The following FCHSD2 variants were observed in gnomAD, a reference collection of about 807,000 sequenced individuals.
FCHSD2 encodes F-BAR and double SH3 domains protein 2.
In FCHSD2, 38 loss-of-function variants were observed where a neutral mutation model predicts 108.1. That is an observed-to-expected ratio of 0.35 (90% confidence interval 0.27 to 0.46). The LOEUF is 0.46. Among genes scored for constraint, FCHSD2 ranks in the 20% least tolerant of loss-of-function variants. The probability of loss-of-function intolerance (pLI) is 1.00; values close to 1 mark genes in which losing one functional copy is unlikely to be tolerated. For synonymous variants in FCHSD2, 279 were observed against 314.7 expected, an observed-to-expected ratio of 0.89 and a Z score of 1.20; for missense variants, 751 against 897.8, an observed-to-expected ratio of 0.84 and a Z score of 2.09.
At position 72,922,003 on chromosome 11, in the gene FCHSD2, A is replaced by G. The variant is rs1855984288; in HGVS notation, c.706-53T>C. 3 of 1,344,572 alleles carry G rather than the reference A, an allele frequency of 2.2e-6. No homozygotes were observed. The South Asian group carries it at 3.9e-5, about 17-fold the overall frequency. The allele number at this position is 1,344,572 out of a possible 1,614,324, so 83.3% of individuals were successfully genotyped here. A position where few individuals can be genotyped will look rare whatever the true frequency, so the allele number is the denominator to read the frequency against. The stretch of plus-strand genomic sequence containing the variant: ...AAAAATTACAGTAAAGCCTTGACAT[A>G]TGATATCTTCTGCCTATGAGAAAAG... On this transcript the variant is annotated intron_variant, in intron 8 of 19. Transcript: ENST00000409418.
intron 8 of FCHSD2, among the ~76,000 whole-genome samples, chr11:72,979,995 G>A (rs1857182186): frequency 6.6e-6 from 1 of 152,184 alleles, no homozygotes; most frequent in African/African-American, 2.4e-5. Context: ...TGTTCCCTAA[G>A]AAGGCAGGAG....
intron 3 of FCHSD2, among the ~76,000 whole-genome samples, chr11:73,079,497 C>T (rs1179458394): frequency 1.3e-5 from 2 of 152,074 alleles, no homozygotes; most frequent in Non-Finnish European, 2.9e-5. Flanking sequence ...TTTGCCTGGC[C>T]TAGAAGTAAA....
Position 73,051,918 on chromosome 11 carries a change from C to CA in FCHSD2, c.165+31776_165+31777insT, listed in dbSNP as rs1565386314. On this transcript the variant is annotated intron_variant, in intron 3 of 19. Transcript: ENST00000409418. ...ACACACACACACACACACACACACC[C>CA]CACACACACTGACATCAGGGAAAAA... Among the ~76,000 whole-genome samples, 43 of 137,886 alleles carry CA rather than the reference C, an allele frequency of 3.1e-4. 1 individual carries two copies. Among genetic ancestry groups the CA allele is most frequent in the South Asian group, 1.9e-3 (8 of 4,272 alleles). 90.5% of individuals were successfully genotyped at this position (137,886 alleles called of 152,430 possible). A position where few individuals can be genotyped will look rare whatever the true frequency, so the allele number is the denominator to read the frequency against.
intron 8 of FCHSD2, among the ~76,000 whole-genome samples, chr11:72,931,096 ATTTT>A (rs36117770): frequency 3.5e-5 from 4 of 115,904 alleles, no homozygotes; most frequent in Non-Finnish European, 5.6e-5. Flanking sequence ...CAATAATTAA[ATTTT>A]TTTTTTTTTT....
At chr11:72,956,533 T>C (rs111377330) in intron 8 of FCHSD2, among the ~76,000 whole-genome samples, 2,061 of 152,302 alleles carry the variant, frequency 0.014, 51 homozygotes, top group African/African-American at 0.045. Flanking sequence ...ACAGCATTAA[T>C]TTCTCTTACT....
At chr11:72,880,399 A>G (rs977804246) in intron 12 of FCHSD2, among the ~76,000 whole-genome samples, 1 of 152,202 alleles carries the variant, frequency 6.6e-6, no homozygotes, top group Non-Finnish European at 1.5e-5. Flanking sequence ...TGTCACAAAT[A>G]CAGACACACA....
intron 8 of FCHSD2, among the ~76,000 whole-genome samples, chr11:72,957,137 C>G (rs1856728614): frequency 6.7e-6 from 1 of 150,286 alleles, no homozygotes; most frequent in African/African-American, 2.5e-5. Context: ...CACCCACTAA[C>G]TCGTCAGCTA....
Position 72,854,847 on chromosome 11 carries a change from C to T in FCHSD2, c.1309-4958G>A, listed in dbSNP as rs72969835. On this transcript the variant is annotated intron_variant, in intron 13 of 19. Transcript: ENST00000409418. The stretch of plus-strand genomic sequence containing the variant: ...TTACTTTTGCTAGATGAAAAGAATA[C>T]TAGAAATGGGCCAGGCACGGTGGCT... Among the ~76,000 whole-genome samples, 1,070 of 152,246 alleles carry T rather than the reference C, an allele frequency of 7.0e-3. 10 individuals are homozygous for T. Among genetic ancestry groups the T allele is most frequent in the African/African-American group, 0.024 (1,014 of 41,568 alleles).
chr11:73,001,053 A>G lies in FCHSD2; in HGVS notation c.324T>C (p.Tyr108=), dbSNP rs369934177. The stretch of plus-strand genomic sequence containing the variant: ...TTGCAGGCTCAGAAATGAAGTTTTT[A>G]TAGTTTTCACATATATTCATCCGAG... ...AQSRMNICEN[Y]KNFISEPART... The change falls in exon 5 of 20, where the codon TAT becomes TAC. Residue 108 remains tyrosine (Y), a synonymous_variant. Coordinates refer to ENST00000409418, the MANE Select transcript of FCHSD2 (RefSeq NM_014824.3). The G allele has an allele frequency of 1.9e-6, 3 of 1,612,980 alleles. No homozygotes were observed.
intron 12 of FCHSD2, among the ~76,000 whole-genome samples, chr11:72,868,404 G>A (rs1479968048): frequency 6.6e-6 from 1 of 152,114 alleles, no homozygotes; most frequent in Admixed American, 6.6e-5. Flanking sequence ...AATGGAGCTG[G>A]GCTTAATAGC....
chr11:73,023,157 A>G (rs929959475), intron 3 of FCHSD2, among the ~76,000 whole-genome samples: 2 of 152,184 alleles, frequency 1.3e-5, no homozygotes, highest in Non-Finnish European at 2.9e-5. Context: ...AACATATAAC[A>G]CCAGAACCAA....
chr11:73,047,830 ACT>A (rs749180350), intron 3 of FCHSD2, among the ~76,000 whole-genome samples: 1 of 152,188 alleles, frequency 6.6e-6, no homozygotes, highest in Non-Finnish European at 1.5e-5. Flanking sequence ...TTTGCTAATG[ACT>A]GTATATACAA....
chr11:72,953,462 T>C (rs1856654579), intron 8 of FCHSD2, among the ~76,000 whole-genome samples: 1 of 152,216 alleles, frequency 6.6e-6, no homozygotes, highest in African/African-American at 2.4e-5. Context: ...TAAAACATCA[T>C]CTAATTTACA....
intron 9 of FCHSD2, among the ~76,000 whole-genome samples, chr11:72,920,868 G>C (rs1312148887): frequency 5.1e-4 from 77 of 152,130 alleles, no homozygotes; most frequent in Admixed American, 5.0e-3. Flanking sequence ...AGTGATTTTT[G>C]TATTTCCGTA....
intron 13 of FCHSD2, among the ~76,000 whole-genome samples, chr11:72,867,280 A>AC (rs1176939278): frequency 6.6e-6 from 1 of 152,176 alleles, no homozygotes; most frequent in African/African-American, 2.4e-5. Flanking sequence ...AACATGAAAA[A>AC]CTAAGGTTGA....
intron 3 of FCHSD2, among the ~76,000 whole-genome samples, chr11:73,030,415 C>T (rs1282631838): frequency 6.6e-6 from 1 of 152,076 alleles, no homozygotes; most frequent in East Asian, 1.9e-4. Context: ...ACTCAATTTA[C>T]CATACATAAA....
intron 8 of FCHSD2, among the ~76,000 whole-genome samples, chr11:72,938,184 T>G (rs1257563273): frequency 2.7e-5 from 4 of 150,244 alleles, no homozygotes; most frequent in Admixed American, 6.6e-5. Context: ...GAGTTTTTTT[T>G]TTTTTTTTTT....
chr11:72,998,927 A>G (rs900924352), intron 5 of FCHSD2, among the ~76,000 whole-genome samples: 5 of 152,222 alleles, frequency 3.3e-5, no homozygotes, highest in African/African-American at 1.2e-4. Flanking sequence ...TGGGAAAATG[A>G]AAAATCTGGG....
intron 2 of FCHSD2, among the ~76,000 whole-genome samples, chr11:73,091,703 G>T (rs1184085523): frequency 6.6e-6 from 1 of 152,084 alleles, no homozygotes; most frequent in Non-Finnish European, 1.5e-5. Context: ...TTTCCACTTG[G>T]AATTTCCTCC....
Sources: gnomAD v4.1 joint callset for allele counts (sites outside exome capture counted in the v4.1 genomes callset) on GRCh38, gnomAD v4.1.1 for gene constraint, MANE v1.5 for transcripts, NCBI Gene and HGNC (gene_info 2026-07-23, HGNC 2026-07-21) for gene names.